Variants in FRK observed in about 807,000 individuals in gnomAD.
FRK encodes the protein fyn related Src family tyrosine kinase, also known as tyrosine-protein kinase FRK.
A neutral mutation model predicts 56.4 loss-of-function variants in FRK; 51 were observed. The ratio of observed to expected loss-of-function variants is 0.90; its 90% confidence interval spans 0.72 to 1.14. The LOEUF is 1.14. Among genes scored for constraint, FRK ranks in the 50% most tolerant of loss-of-function variants. The pLI is 0.00. For missense variants in FRK, 570 were observed against 601.4 expected, an observed-to-expected ratio of 0.95 and a Z score of 0.55; for synonymous variants, 245 against 217.9, an observed-to-expected ratio of 1.12 and a Z score of -1.10.
chr6:115,957,554 A>T (rs1341454221), intron 4 of FRK, among the ~76,000 whole-genome samples: 1 of 152,236 alleles, frequency 6.6e-6, no homozygotes, highest in Non-Finnish European at 1.5e-5. Context: ...TACATTCATC[A>T]TCCTCTCGAT....
intron 1 of FRK, among the ~76,000 whole-genome samples, chr6:116,048,420 C>T (rs1302089318): frequency 6.6e-6 from 1 of 152,178 alleles, no homozygotes; most frequent in East Asian, 1.9e-4. Context: ...GGGTCTTGCC[C>T]TTTCACCTAG....
intron 1 of FRK, among the ~76,000 whole-genome samples, chr6:116,041,646 C>T (rs571800552): frequency 2.6e-5 from 4 of 152,208 alleles, no homozygotes; most frequent in South Asian, 4.1e-4. Flanking sequence ...CTCAAGGGGT[C>T]AGGGAACTCC....
At position 115,937,479 on chromosome 6, in the gene FRK, T is replaced by C. The variant is rs894412859; in HGVS notation, c.*4935A>G. The C allele has an allele frequency of 2.6e-5, 4 of 152,106 alleles. No individual in the cohort carries two copies. Among genetic ancestry groups the C allele is most frequent in the Non-Finnish European group, 5.9e-5 (4 of 68,032 alleles). 9.4% of individuals were successfully genotyped at this position (152,106 alleles called of 1,614,324 possible). The stretch of plus-strand genomic sequence containing the variant: ...GAATCAAATTCACACATAACAATAC[T>C]AACCTTAAATGTAAACAGGCTGAAT... On this transcript the variant is annotated 3_prime_UTR_variant, in exon 8 of 8. Coordinates refer to ENST00000606080, the MANE Select transcript of FRK (RefSeq NM_002031.3).
chr6:115,993,172 C>T (rs1021311783), intron 2 of FRK, among the ~76,000 whole-genome samples: 5 of 151,196 alleles, frequency 3.3e-5, no homozygotes, highest in East Asian at 3.9e-4. Flanking sequence ...CAAATAAAGG[C>T]GAGAGAGAGG....
intron 2 of FRK, among the ~76,000 whole-genome samples, chr6:115,990,858 T>G (rs181217030): frequency 9.2e-5 from 14 of 152,118 alleles, no homozygotes; most frequent in Non-Finnish European, 1.5e-5. Context: ...TAGATTGCCT[T>G]GGGCAGTATA....
In FRK at chr6:115,975,541, A is replaced by C. The variant is rs947935718; in HGVS notation, c.467-6802T>G. On this transcript the variant is annotated intron_variant, in intron 2 of 7. Transcript: ENST00000606080. ...GAATTCAGGTGTCTCAGAACCAGAG[A>C]GAAATGAATTTTCTATTCCTTTCCT... Among the ~76,000 whole-genome samples, 3 of 152,188 alleles carry C rather than the reference A, an allele frequency of 2.0e-5. No homozygotes were observed. In the South Asian group the frequency reaches 6.2e-4, roughly 32 times the overall value.
Position 115,940,502 on chromosome 6 carries a change from T to C in FRK, c.*1912A>G, listed in dbSNP as rs1286012049. The stretch of plus-strand genomic sequence containing the variant: ...ATGGGATCTAATTAAACTAAAGAGC[T>C]TCTAGACAGCAAAAGAAACTATCAT... On this transcript the variant is annotated 3_prime_UTR_variant, in exon 8 of 8. Coordinates refer to ENST00000606080, the MANE Select transcript of FRK (RefSeq NM_002031.3). 6.6e-6 allele frequency: 1 copy of C among 151,982 alleles called. No individual in the cohort carries two copies. The highest frequency in any genetic ancestry group is 1.5e-5 in the Non-Finnish European group (1 of 67,986). 9.4% of individuals were successfully genotyped at this position (151,982 alleles called of 1,614,324 possible).
chr6:115,976,803 T>C, intron 2 of FRK, among the ~76,000 whole-genome samples: 1 of 152,146 alleles, frequency 6.6e-6, no homozygotes, highest in East Asian at 1.9e-4. Context: ...TTGAGTGTCA[T>C]TGTTCACAAA....
At position 115,942,353 on chromosome 6, in the gene FRK, T is replaced by C; in HGVS notation, c.*61A>G. 7.4e-7 allele frequency: 1 copy of C among 1,356,496 alleles called. No individual in the cohort carries two copies. The highest frequency in any genetic ancestry group is 1.0e-6 in the Non-Finnish European group (1 of 954,712). 84.0% of individuals were successfully genotyped at this position (1,356,496 alleles called of 1,614,324 possible). On this transcript the variant is annotated 3_prime_UTR_variant, in exon 8 of 8. Coordinates refer to ENST00000606080, the MANE Select transcript of FRK (RefSeq NM_002031.3). ...GTGCAGTTGGTTGATAACATTGTAT[T>C]TTGGAATGGATTATTTGAATTTGTT...
intron 1 of FRK, among the ~76,000 whole-genome samples, chr6:116,005,871 C>T (rs1370320148): frequency 1.3e-5 from 2 of 152,064 alleles, no homozygotes; most frequent in Admixed American, 1.3e-4. Context: ...CTGATGCTAC[C>T]TACAGCATAC....
At chr6:115,998,262 A>G (rs1245914929) in intron 2 of FRK, among the ~76,000 whole-genome samples, 1 of 152,162 alleles carries the variant, frequency 6.6e-6, no homozygotes, top group Non-Finnish European at 1.5e-5. Context: ...TATTGCCTAC[A>G]AATCTCTCAT....
chr6:115,931,479 G>A lies in FRK; in HGVS notation c.*10935C>T, dbSNP rs1407488781. 1 of 152,082 alleles carries A rather than the reference G, an allele frequency of 6.6e-6. No individual in the cohort carries two copies. Among genetic ancestry groups the A allele is most frequent in the Non-Finnish European group, 1.5e-5 (1 of 68,000 alleles). 9.4% of individuals were successfully genotyped at this position (152,082 alleles called of 1,614,324 possible). The stretch of plus-strand genomic sequence containing the variant: ...CATATAAATTAGTCATATGTAATAT[G>A]TGTCACATGTAACTGTACAATATAA... On this transcript the variant is annotated 3_prime_UTR_variant, in exon 8 of 8. Coordinates refer to ENST00000606080, the MANE Select transcript of FRK (RefSeq NM_002031.3).
At chr6:116,028,923 C>T (rs1776199142) in intron 1 of FRK, among the ~76,000 whole-genome samples, 1 of 152,076 alleles carries the variant, frequency 6.6e-6, no homozygotes, top group Non-Finnish European at 1.5e-5. Flanking sequence ...CAATGCTTAG[C>T]CTTATGTTGT....
intron 1 of FRK, among the ~76,000 whole-genome samples, chr6:116,050,990 T>C (rs993742829): frequency 6.6e-6 from 1 of 152,234 alleles, no homozygotes; most frequent in Middle Eastern, 3.4e-3. Flanking sequence ...TATTCAGAAA[T>C]GGTAAAAAGA....
chr6:116,078,515 GGGTAGT>G, the FRK span, among the ~76,000 whole-genome samples: 1 of 152,108 alleles, frequency 6.6e-6, no homozygotes, highest in African/African-American at 2.4e-5. Flanking sequence ...ATGGGGTCAG[GGGTAGT>G]GTTAGTTGTT....
chr6:116,028,889 A>G (rs2114756460), intron 1 of FRK, among the ~76,000 whole-genome samples: 1 of 152,308 alleles, frequency 6.6e-6, no homozygotes, highest in Non-Finnish European at 1.5e-5. Flanking sequence ...ATTTAGGCAG[A>G]GAACATTTAT....
At chr6:116,054,174 G>A (rs1197112612) in intron 1 of FRK, among the ~76,000 whole-genome samples, 1 of 151,080 alleles carries the variant, frequency 6.6e-6, no homozygotes, top group Non-Finnish European at 1.5e-5. Flanking sequence ...TATTATACCT[G>A]AGATGAAATT....
At chr6:116,088,258 C>T in the FRK span, among the ~76,000 whole-genome samples, 1 of 152,150 alleles carries the variant, frequency 6.6e-6, no homozygotes, top group Non-Finnish European at 1.5e-5. Context: ...GCTTTTAGGG[C>T]AACCCATCCA....
At chr6:116,056,249 C>T (rs996120150) in intron 1 of FRK, among the ~76,000 whole-genome samples, 1 of 146,510 alleles carries the variant, frequency 6.8e-6, no homozygotes, top group South Asian at 2.2e-4. Flanking sequence ...GGGTCTGGCT[C>T]TGTCACCCAG....
Sources: allele counts gnomAD v4.1 joint callset (sites outside exome capture counted in the v4.1 genomes callset), GRCh38; gene constraint gnomAD v4.1.1; transcripts MANE v1.5; gene names NCBI Gene and HGNC (gene_info 2026-07-23, HGNC 2026-07-21).